Variants in ZC3H12B observed in about 807,000 individuals in gnomAD.
ZC3H12B encodes the protein zinc finger CCCH-type containing 12B, also known as probable ribonuclease ZC3H12B.
ZC3H12B carries 7 observed loss-of-function variants against 43.9 expected under a neutral mutation model. The observed-to-expected ratio is 0.16, with a 90% CI of 0.09 to 0.30. The LOEUF (loss-of-function observed/expected upper bound fraction) is 0.30. ZC3H12B is among the 10% of genes least tolerant of loss of function. The pLI is 1.00. For synonymous variants in ZC3H12B, 222 were observed against 241.7 expected, an observed-to-expected ratio of 0.92 and a Z score of 0.76; for missense variants, 475 against 670.2, an observed-to-expected ratio of 0.71 and a Z score of 3.22.
chrX:65,132,160 T>C, the ZC3H12B span, among the ~76,000 whole-genome samples: 2 of 110,652 alleles, frequency 1.8e-5, no homozygotes, highest in South Asian at 3.9e-4. Flanking sequence ...TAGTGAGTTG[T>C]GGAGGAAGGT....
chrX:65,166,878 T>C, the ZC3H12B span, among the ~76,000 whole-genome samples: 1 of 110,789 alleles, frequency 9.0e-6, no homozygotes, highest in African/African-American at 3.4e-5. Context: ...CGCCCACTTT[T>C]TGATGCAGTT....
the ZC3H12B span, among the ~76,000 whole-genome samples, chrX:65,329,898 A>T: frequency 2.7e-5 from 3 of 110,889 alleles, no homozygotes; most frequent in Admixed American, 2.9e-4. Flanking sequence ...GTTCTGTTCC[A>T]TTGGTCTATA....
chrX:65,092,983 A>G, the ZC3H12B span, among the ~76,000 whole-genome samples: 1 of 111,479 alleles, frequency 9.0e-6, no homozygotes, highest in African/African-American at 3.3e-5. Flanking sequence ...GGAGGGAAGA[A>G]TGGTTTCATG....
At chrX:65,484,820 G>T, upstream of ZC3H12B, among the ~76,000 whole-genome samples, 1 of 112,556 alleles carries the variant, frequency 8.9e-6, no homozygotes, top group South Asian at 3.7e-4. Context: ...TGGAAAAGAT[G>T]AAGTCAAGTT....
the ZC3H12B span, among the ~76,000 whole-genome samples, chrX:65,137,726 TTTTAA>T: frequency 3.7e-4 from 42 of 112,815 alleles, no homozygotes; most frequent in Admixed American, 3.3e-3. Context: ...TGGGGTTAGT[TTTTAA>T]TTTAAGAAAA....
At chrX:65,326,114 G>A in the ZC3H12B span, among the ~76,000 whole-genome samples, 1 of 111,373 alleles carries the variant, frequency 9.0e-6, no homozygotes, top group Non-Finnish European at 1.9e-5. Flanking sequence ...AAGCATAGGG[G>A]CCTGAGCAAT....
the ZC3H12B span, among the ~76,000 whole-genome samples, chrX:65,040,714 G>T: frequency 9.0e-6 from 1 of 111,077 alleles, no homozygotes; most frequent in Non-Finnish European, 1.9e-5. Context: ...TGAGTCAATG[G>T]ATTATATGTA....
the ZC3H12B span, among the ~76,000 whole-genome samples, chrX:65,081,756 T>C: frequency 9.8e-5 from 11 of 111,742 alleles, no homozygotes; most frequent in Non-Finnish European, 1.5e-4. Flanking sequence ...ATAATCAGAC[T>C]TAATCTAAAC....
intron 3 of ZC3H12B, chrX:65,408,079 C>A (rs1428791040): frequency 1.7e-6 from 2 of 1,187,663 alleles, no homozygotes; most frequent in South Asian, 1.8e-5. Flanking sequence ...CCGCCGCCAG[C>A]GCGATGTTCC....
chrX:65,116,244 C>A, the ZC3H12B span, among the ~76,000 whole-genome samples: 1 of 111,338 alleles, frequency 9.0e-6, no homozygotes, highest in African/African-American at 3.3e-5. Flanking sequence ...GAGATGAGAT[C>A]CACTTGGATT....
At chrX:65,441,387 C>G (rs998599979) in intron 3 of ZC3H12B, among the ~76,000 whole-genome samples, 1 of 111,973 alleles carries the variant, frequency 8.9e-6, no homozygotes, top group African/African-American at 3.2e-5. Flanking sequence ...TTGTATCTAC[C>G]AAACCTTTAA....
the ZC3H12B span, among the ~76,000 whole-genome samples, chrX:65,256,936 G>T: frequency 3.6e-5 from 4 of 112,120 alleles, no homozygotes; most frequent in South Asian, 7.5e-4. Context: ...TGGCGATCAT[G>T]AAAAAGTCAG....
chrX:65,218,207 A>G, the ZC3H12B span, among the ~76,000 whole-genome samples: 3 of 112,335 alleles, frequency 2.7e-5, no homozygotes, highest in East Asian at 8.4e-4. Context: ...GGCAGGGCTA[A>G]CTTGCAGCTC....
At chrX:65,053,068 C>G in the ZC3H12B span, among the ~76,000 whole-genome samples, 6 of 110,846 alleles carry the variant, frequency 5.4e-5, no homozygotes, top group Admixed American at 3.8e-4. Flanking sequence ...GAAGTATTCC[C>G]TCCTGCTCTA....
At chrX:65,373,986 A>AAC (rs780292293) in intron 2 of ZC3H12B, among the ~76,000 whole-genome samples, 1 of 28,903 alleles carries the variant, frequency 3.5e-5, no homozygotes, top group African/African-American at 2.4e-4. Flanking sequence ...TATATATACT[A>AAC]TATATATATA....
chrX:65,218,637 C>T, the ZC3H12B span, among the ~76,000 whole-genome samples: 24 of 110,561 alleles, frequency 2.2e-4, no homozygotes, highest in Non-Finnish European at 4.4e-4. Flanking sequence ...GGAACCACAC[C>T]CCCATCCCCC....
chrX:65,050,905 C>A, the ZC3H12B span, among the ~76,000 whole-genome samples: 96 of 111,152 alleles, frequency 8.6e-4, no homozygotes, highest in African/African-American at 3.0e-3. Context: ...GTGTCTTTGT[C>A]TGGATTTGTT....
At chrX:65,321,935 C>G in the ZC3H12B span, among the ~76,000 whole-genome samples, 1 of 110,967 alleles carries the variant, frequency 9.0e-6, no homozygotes, top group African/African-American at 3.3e-5. Flanking sequence ...GATTACCTAT[C>G]AGGTACCATG....
intron 3 of ZC3H12B, among the ~76,000 whole-genome samples, chrX:65,413,912 C>T (rs1012762921): frequency 8.9e-6 from 1 of 111,939 alleles, no homozygotes; most frequent in Non-Finnish European, 1.9e-5. Flanking sequence ...ATTAATTCTT[C>T]CATTTTATGA....
Sources: gnomAD v4.1 joint callset for allele counts (sites outside exome capture counted in the v4.1 genomes callset) on GRCh38, gnomAD v4.1.1 for gene constraint, MANE v1.5 for transcripts, NCBI Gene and HGNC (gene_info 2026-07-23, HGNC 2026-07-21) for gene names.